TLL1: variants seen among roughly 807,000 people sequenced by gnomAD.
The protein encoded by TLL1 is tolloid-like protein 1.
TLL1 carries 49 observed loss-of-function variants against 128.2 expected under a neutral mutation model. That is an observed-to-expected ratio of 0.38 (90% confidence interval 0.30 to 0.48). The LOEUF (loss-of-function observed/expected upper bound fraction) is 0.48, where lower values mean the gene tolerates loss of function less well. TLL1 is among the 20% of genes least tolerant of loss of function. TLL1 has a pLI of 0.96. For missense variants in TLL1, 1,123 were observed against 1,242.0 expected, an observed-to-expected ratio of 0.90 and a Z score of 1.44; for synonymous variants, 454 against 418.8, an observed-to-expected ratio of 1.08 and a Z score of -1.03.
intron 8 of TLL1, among the ~76,000 whole-genome samples, chr4:166,020,216 A>C (rs72974347): frequency 0.052 from 7,844 of 152,260 alleles, 700 homozygotes; most frequent in African/African-American, 0.18. Context: ...CACTGCTTCC[A>C]AAAGGCAAAT....
chr4:166,005,599 C>G (rs1005206553), intron 6 of TLL1, among the ~76,000 whole-genome samples: 2 of 151,858 alleles, frequency 1.3e-5, no homozygotes, highest in African/African-American at 2.4e-5. Flanking sequence ...ATAGAAGACT[C>G]TAATGAATGA....
At position 166,091,576 on chromosome 4, in the gene TLL1, G is replaced by T. The variant is rs576069680; in HGVS notation, c.2656+235G>T. Among the ~76,000 whole-genome samples the T allele has an allele frequency of 1.3e-5, 2 of 152,154 alleles. 1 individual carries two copies. Among genetic ancestry groups the T allele is most frequent in the South Asian group, 4.1e-4 (2 of 4,826 alleles). The stretch of plus-strand genomic sequence containing the variant: ...GTCTGATTTGTGATCAGTGCAGTTT[G>T]TTTAAGTAGAACAGTGCAGTTTGTT... On this transcript the variant is annotated intron_variant, in intron 19 of 20. Coordinates refer to ENST00000061240, the MANE Select transcript of TLL1 (RefSeq NM_012464.5).
At chr4:165,884,568 G>T (rs746134474) in intron 1 of TLL1, among the ~76,000 whole-genome samples, 1 of 152,228 alleles carries the variant, frequency 6.6e-6, no homozygotes, top group African/African-American at 2.4e-5. Flanking sequence ...GGGCGCAGTG[G>T]CTCATGCCTG....
intron 1 of TLL1, among the ~76,000 whole-genome samples, chr4:165,984,451 A>G (rs531341391): frequency 6.6e-6 from 1 of 152,000 alleles, no homozygotes; most frequent in East Asian, 1.9e-4. Context: ...CAATCATGTA[A>G]AAATAGTTGA....
At chr4:165,948,267 A>T (rs988064126) in intron 1 of TLL1, among the ~76,000 whole-genome samples, 5 of 152,098 alleles carry the variant, frequency 3.3e-5, no homozygotes, top group Admixed American at 3.3e-4. Flanking sequence ...TGTGTCTTTA[A>T]TTTCACAGGT....
chr4:165,931,507 A>G (rs553786558), intron 1 of TLL1, among the ~76,000 whole-genome samples: 4 of 148,564 alleles, frequency 2.7e-5, no homozygotes, highest in Non-Finnish European at 5.9e-5. Flanking sequence ...TCACGAGGTC[A>G]GGAGATTGAG....
At chr4:165,974,051 C>T (rs528701110) in intron 1 of TLL1, among the ~76,000 whole-genome samples, 4 of 151,406 alleles carry the variant, frequency 2.6e-5, no homozygotes, top group African/African-American at 9.7e-5. Context: ...CAAAGTAGAA[C>T]TGTACCCTGG....
At chr4:165,937,924 C>A (rs1184358566) in intron 1 of TLL1, among the ~76,000 whole-genome samples, 1 of 134,798 alleles carries the variant, frequency 7.4e-6, no homozygotes, top group Non-Finnish European at 1.5e-5. Context: ...TCATATGCTC[C>A]TTTTATCTAG....
intron 6 of TLL1, 121 bp downstream of exon 6, chr4:166,003,690 C>T: frequency 1.9e-6 from 2 of 1,040,938 alleles, no homozygotes; most frequent in Non-Finnish European, 2.9e-6. Context: ...GATAGAGTAA[C>T]ATTTTGCTTG....
intron 1 of TLL1, among the ~76,000 whole-genome samples, chr4:165,909,844 A>G (rs1371136614): frequency 1.1e-4 from 16 of 152,234 alleles, no homozygotes. Flanking sequence ...CATTTTTAAC[A>G]TAAAGAAACT....
intron 1 of TLL1, among the ~76,000 whole-genome samples, chr4:165,928,417 G>A (rs1270521758): frequency 1.3e-5 from 2 of 152,188 alleles, no homozygotes; most frequent in Non-Finnish European, 2.9e-5. Context: ...CTATAGGAGA[G>A]TTGGGTAAGT....
chr4:165,941,915 C>G (rs1251769320), intron 1 of TLL1, among the ~76,000 whole-genome samples: 1 of 152,018 alleles, frequency 6.6e-6, no homozygotes, highest in East Asian at 1.9e-4. Context: ...GACCCAGTTA[C>G]TTTTCTTCTA....
intron 1 of TLL1, among the ~76,000 whole-genome samples, chr4:165,927,541 T>C (rs1286311913): frequency 6.6e-6 from 1 of 152,218 alleles, no homozygotes; most frequent in African/African-American, 2.4e-5. Flanking sequence ...CTATGCTTAA[T>C]ATGAGAGTAT....
At chr4:165,881,316 T>C (rs1730956457) in intron 1 of TLL1, among the ~76,000 whole-genome samples, 1 of 152,244 alleles carries the variant, frequency 6.6e-6, no homozygotes, top group African/African-American at 2.4e-5. Flanking sequence ...TTAAAAAATC[T>C]AGAGCCTCCT....
chr4:166,087,025 G>C (rs558186463), intron 18 of TLL1, among the ~76,000 whole-genome samples: 1 of 152,246 alleles, frequency 6.6e-6, no homozygotes, highest in African/African-American at 2.4e-5. Context: ...AGTTCTAAAT[G>C]TGTAAGTACA....
At chr4:166,100,096 CAT>C (rs1742223254) in intron 20 of TLL1, among the ~76,000 whole-genome samples, 1 of 151,998 alleles carries the variant, frequency 6.6e-6, no homozygotes, top group Non-Finnish European at 1.5e-5. Flanking sequence ...AAAAGAAAAA[CAT>C]AAGGTTTTCT....
chr4:166,072,969 G>A (rs1740857967), intron 16 of TLL1, among the ~76,000 whole-genome samples: 1 of 152,002 alleles, frequency 6.6e-6, no homozygotes, highest in African/African-American at 2.4e-5. Flanking sequence ...TCAAAAGCCT[G>A]GTTGACCCAG....
At chr4:166,000,243 C>G (rs946264517) in intron 5 of TLL1, among the ~76,000 whole-genome samples, 1 of 152,180 alleles carries the variant, frequency 6.6e-6, no homozygotes, top group Non-Finnish European at 1.5e-5. Context: ...ATTTTAAAAT[C>G]ACATTAAAAA....
chr4:165,945,655 A>G lies in TLL1; in HGVS notation c.170-43726A>G, dbSNP rs147560462. On this transcript the variant is annotated intron_variant, in intron 1 of 20. Coordinates refer to ENST00000061240, the MANE Select transcript of TLL1 (RefSeq NM_012464.5). Reference sequence around the variant, plus strand: ...AAAAGATTATATAAAGAACTGTATAAATGATTATAATAAAAAAGCCAAGAG... The same window carrying G: ...AAAAGATTATATAAAGAACTGTATAGATGATTATAATAAAAAAGCCAAGAG... Among the ~76,000 whole-genome samples, 24 of 152,310 alleles carry G rather than the reference A, an allele frequency of 1.6e-4. No individual in the cohort carries two copies. In the East Asian group the frequency reaches 4.6e-3, roughly 29 times the overall value.
Sources: allele counts gnomAD v4.1 joint callset (sites outside exome capture counted in the v4.1 genomes callset), GRCh38; gene constraint gnomAD v4.1.1; transcripts MANE v1.5; gene names NCBI Gene and HGNC (gene_info 2026-07-23, HGNC 2026-07-21).